PTPRG: variants seen among roughly 807,000 people sequenced by gnomAD.
PTPRG encodes receptor-type tyrosine-protein phosphatase gamma.
PTPRG carries 102 observed loss-of-function variants against 165.3 expected under a neutral mutation model. The observed-to-expected ratio is 0.62, with a 90% confidence interval of 0.53 to 0.73. The LOEUF (loss-of-function observed/expected upper bound fraction) is 0.73, where lower values mean the gene tolerates loss of function less well. Ranked by LOEUF, PTPRG falls within the 30% of genes least tolerant of loss-of-function variation. PTPRG has a pLI of 0.00. For missense variants in PTPRG, 1,866 were observed against 1,861.4 expected, an observed-to-expected ratio of 1.00 and a Z score of -0.05; for synonymous variants, 675 against 669.5, an observed-to-expected ratio of 1.01 and a Z score of -0.13.
intron 2 of PTPRG, among the ~76,000 whole-genome samples, chr3:61,927,641 A>G (rs1023803283): frequency 6.6e-6 from 1 of 152,172 alleles, no homozygotes; most frequent in Admixed American, 6.5e-5. Context: ...CTGCAAAATG[A>G]TCCCTTTTAA....
intron 5 of PTPRG, among the ~76,000 whole-genome samples, chr3:62,090,540 T>G (rs1033540530): frequency 1.3e-5 from 2 of 152,150 alleles, no homozygotes; most frequent in South Asian, 4.1e-4. Flanking sequence ...TTCTCTCTAT[T>G]TTGAATTTTG....
chr3:61,962,589 A>G (rs771196508), intron 2 of PTPRG, among the ~76,000 whole-genome samples: 2 of 152,222 alleles, frequency 1.3e-5, no homozygotes, highest in Non-Finnish European at 2.9e-5. Flanking sequence ...CTGAAGAACA[A>G]ACACACCCTT....
chr3:62,124,444 C>T (rs1166650455), intron 5 of PTPRG: 2 of 1,613,690 alleles, frequency 1.2e-6, no homozygotes, highest in Non-Finnish European at 1.7e-6. Context: ...CATTCTTGTT[C>T]TGGGGGATGC....
intron 3 of PTPRG, among the ~76,000 whole-genome samples, chr3:61,999,281 A>G (rs1271671714): frequency 1.3e-5 from 2 of 152,092 alleles, no homozygotes; most frequent in Non-Finnish European, 1.5e-5. Context: ...TCCTAACCTC[A>G]GGTGATCCGC....
rs989380795 is a variant in PTPRG at position 62,213,517 on chromosome 3, A to G, written c.2156-5334A>G. ...TTTTTCATCCTCAGGACTCCCCGAGAGGTGAGTGTTACCATTTGTCTCCCT... is the reference window on the plus strand; with the variant it reads ...TTTTTCATCCTCAGGACTCCCCGAGGGGTGAGTGTTACCATTTGTCTCCCT... On this transcript the variant is annotated intron_variant, in intron 12 of 29. Coordinates refer to ENST00000474889, the MANE Select transcript of PTPRG (RefSeq NM_002841.4). The surrounding 1 kb of genome is among the most constrained non-coding windows in gnomAD (Gnocchi z 4.4). 1.3e-5 allele frequency among the ~76,000 whole-genome samples: 2 copies of G among 152,038 alleles called. No individual in the cohort carries two copies. Among genetic ancestry groups the G allele is most frequent in the Non-Finnish European group, 2.9e-5 (2 of 68,004 alleles).
chr3:61,909,870 G>T (rs2038757119), intron 2 of PTPRG, among the ~76,000 whole-genome samples: 1 of 152,158 alleles, frequency 6.6e-6, no homozygotes, highest in Non-Finnish European at 1.5e-5. Flanking sequence ...ATTAAAGTCT[G>T]TTCCAAAATC....
intron 5 of PTPRG, among the ~76,000 whole-genome samples, chr3:62,101,847 A>G: frequency 6.6e-6 from 1 of 152,244 alleles, no homozygotes; most frequent in East Asian, 1.9e-4. Flanking sequence ...AAACAGTTGT[A>G]CCAATTTGCA....
chr3:62,242,428 G>C (rs1701180305), intron 14 of PTPRG, among the ~76,000 whole-genome samples: 1 of 152,306 alleles, frequency 6.6e-6, no homozygotes, highest in Non-Finnish European at 1.5e-5. Context: ...TAATGGTATG[G>C]AGCAGCAGTC....
intron 2 of PTPRG, among the ~76,000 whole-genome samples, chr3:61,783,404 TAA>T (rs1213510761): frequency 3.3e-5 from 5 of 152,154 alleles, no homozygotes; most frequent in East Asian, 3.9e-4. Flanking sequence ...CTAAAATACT[TAA>T]AGAGTGTTCA....
chr3:61,889,906 C>T (rs2038161292), intron 2 of PTPRG, among the ~76,000 whole-genome samples: 3 of 152,166 alleles, frequency 2.0e-5, no homozygotes, highest in Admixed American at 2.0e-4. Flanking sequence ...AATACAGAGA[C>T]ATACCTGCAA....
intron 1 of PTPRG, among the ~76,000 whole-genome samples, chr3:61,730,220 A>G (rs537592766): frequency 6.6e-6 from 1 of 151,920 alleles, no homozygotes; most frequent in Non-Finnish European, 1.5e-5. Context: ...GAGCCCACCA[A>G]CTGTTGCAGC....
At chr3:61,666,632 C>G (rs1022819673) in intron 1 of PTPRG, among the ~76,000 whole-genome samples, 2 of 152,074 alleles carry the variant, frequency 1.3e-5, no homozygotes, top group African/African-American at 4.8e-5. Flanking sequence ...TTTCTCAAAA[C>G]CTAAGGCAGA....
intron 2 of PTPRG, among the ~76,000 whole-genome samples, chr3:61,772,509 C>G (rs1292505967): frequency 6.6e-6 from 1 of 151,790 alleles, no homozygotes; most frequent in East Asian, 1.9e-4. Context: ...ATAATGTAAC[C>G]TGCTATTCCT....
Position 62,233,209 on chromosome 3 carries a change from C to A in PTPRG, c.2375+1898C>A, listed in dbSNP as rs963505796. Among the ~76,000 whole-genome samples the A allele has an allele frequency of 1.3e-5, 2 of 152,172 alleles. No homozygotes were observed. Among genetic ancestry groups the A allele is most frequent in the African/African-American group, 2.4e-5 (1 of 41,444 alleles). ...TCCTGAGCAGTACCCCCTCTCACAG[C>A]TACATGTGCTATGCTAAGTACTCCA... On this transcript the variant is annotated intron_variant, in intron 14 of 29. Coordinates refer to ENST00000474889, the MANE Select transcript of PTPRG (RefSeq NM_002841.4). This position sits in a 1 kb window ranked among gnomAD's most constrained non-coding sequence, Gnocchi z 4.7.
chr3:62,281,081 T>A (rs1702414909), intron 26 of PTPRG, among the ~76,000 whole-genome samples: 1 of 152,108 alleles, frequency 6.6e-6, no homozygotes, highest in Non-Finnish European at 1.5e-5. Flanking sequence ...TTTTACTATC[T>A]GTATGTATCC....
In PTPRG at chr3:62,286,598, T is replaced by TACTTTCATTTC. The variant is rs376136839; in HGVS notation, c.4055+3730_4055+3740dup. ...ATTACTGTACTTCAGGAGCTTAAAG[T>TACTTTCATTTC]ACTTTCATTTCTTTTGTAAAATCTT... On this transcript the variant is annotated intron_variant, in intron 28 of 29. Coordinates refer to ENST00000474889, the MANE Select transcript of PTPRG (RefSeq NM_002841.4). Among the ~76,000 whole-genome samples the TACTTTCATTTC allele has an allele frequency of 3.2e-4, 49 of 152,200 alleles. No homozygotes were observed. In the Middle Eastern group the frequency reaches 0.017, roughly 53 times the overall value.
intron 1 of PTPRG, among the ~76,000 whole-genome samples, chr3:61,589,121 C>A (rs530866789): frequency 6.6e-6 from 1 of 152,112 alleles, no homozygotes; most frequent in Non-Finnish European, 1.5e-5. Flanking sequence ...TATTTTGAGA[C>A]GGACATAATT....
At chr3:61,881,526 C>T (rs2037889190) in intron 2 of PTPRG, among the ~76,000 whole-genome samples, 1 of 152,174 alleles carries the variant, frequency 6.6e-6, no homozygotes, top group African/African-American at 2.4e-5. Context: ...ACCGTCACTG[C>T]ATGCAGATCT....
intron 4 of PTPRG, among the ~76,000 whole-genome samples, chr3:62,069,680 T>TCACACA (rs1448277639): frequency 7.1e-6 from 1 of 139,894 alleles, no homozygotes; most frequent in African/African-American, 2.9e-5. Flanking sequence ...TCTCTCTCTC[T>TCACACA]CTCTCACACA....
Sources: allele counts gnomAD v4.1 joint callset (sites outside exome capture counted in the v4.1 genomes callset), GRCh38; gene constraint gnomAD v4.1.1; non-coding constraint Gnocchi (gnomAD v3.1); transcripts MANE v1.5; gene names NCBI Gene and HGNC (gene_info 2026-07-23, HGNC 2026-07-21).